The following CNTLN variants were observed in gnomAD, a reference collection of about 807,000 sequenced individuals.
CNTLN encodes centlein, also known as centlein, centrosomal protein.
In CNTLN, 212 loss-of-function variants were observed where a neutral mutation model predicts 180.0. That is an observed-to-expected ratio of 1.18 (90% CI 1.05 to 1.32). The LOEUF is 1.32. Among genes scored for constraint, CNTLN ranks in the 40% most tolerant of loss-of-function variants. The pLI, the probability that CNTLN is intolerant of heterozygous loss-of-function variation, is 0.00. For synonymous variants in CNTLN, 722 were observed against 563.1 expected, an observed-to-expected ratio of 1.28 and a Z score of -3.99; for missense variants, 2,095 against 1,610.9, an observed-to-expected ratio of 1.30 and a Z score of -5.14.
At chr9:17,273,703 T>G (rs910164537) in intron 5 of CNTLN, 30 bp from the exon 6 acceptor site, 7 of 1,224,332 alleles carry the variant, frequency 5.7e-6, no homozygotes, top group Non-Finnish European at 7.8e-6. Context: ...TTATTATGTT[T>G]GATTATTGAT....
intron 5 of CNTLN, among the ~76,000 whole-genome samples, chr9:17,258,567 G>A (rs563245764): frequency 2.7e-4 from 40 of 150,902 alleles, no homozygotes; most frequent in Non-Finnish European, 5.6e-4. Context: ...ATTACCTTGG[G>A]CAGTATGGCC....
At chr9:17,436,463 G>T (rs1829784566) in intron 18 of CNTLN, among the ~76,000 whole-genome samples, 1 of 152,146 alleles carries the variant, frequency 6.6e-6, no homozygotes, top group African/African-American at 2.4e-5. Flanking sequence ...TTTGCTAAGT[G>T]TCAGAATTTG....
At chr9:17,334,646 C>G (rs1820879812) in intron 10 of CNTLN, among the ~76,000 whole-genome samples, 1 of 151,988 alleles carries the variant, frequency 6.6e-6, no homozygotes, top group Non-Finnish European at 1.5e-5. Flanking sequence ...AGGTCATTGT[C>G]CTATGTGAAC....
chr9:17,360,891 T>C (rs1469551126), intron 12 of CNTLN, among the ~76,000 whole-genome samples: 3 of 152,176 alleles, frequency 2.0e-5, no homozygotes, highest in Non-Finnish European at 4.4e-5. Context: ...ATATTTGTTT[T>C]GCTGTTGTTG....
At chr9:17,431,652 T>A (rs2133983403) in intron 18 of CNTLN, among the ~76,000 whole-genome samples, 1 of 152,216 alleles carries the variant, frequency 6.6e-6, no homozygotes, top group East Asian at 1.9e-4. Context: ...CAGTGTTTCT[T>A]CCTAGTAGTT....
chr9:17,300,712 A>C (rs1256209098), intron 7 of CNTLN: 1 of 152,052 alleles, frequency 6.6e-6, no homozygotes, highest in Non-Finnish European at 1.5e-5. Flanking sequence ...AAAAATAAAA[A>C]ACCTAAGTTC....
chr9:17,336,706 CT>C (rs1394629104), intron 10 of CNTLN, among the ~76,000 whole-genome samples: 1 of 151,948 alleles, frequency 6.6e-6, no homozygotes, highest in South Asian at 2.1e-4. Flanking sequence ...TCTATAAAAC[CT>C]TTTTTTAAAA....
At chr9:17,332,101 A>G (rs1350284691) in intron 9 of CNTLN, among the ~76,000 whole-genome samples, 1 of 152,064 alleles carries the variant, frequency 6.6e-6, no homozygotes, top group East Asian at 1.9e-4. Context: ...TAGCCACATT[A>G]TAGTTAATGA....
At chr9:17,215,670 C>T (rs1035681163) in intron 2 of CNTLN, among the ~76,000 whole-genome samples, 3 of 152,136 alleles carry the variant, frequency 2.0e-5, no homozygotes, top group Non-Finnish European at 4.4e-5. Flanking sequence ...TGGAGGCTGG[C>T]AGGCCTCCTT....
At chr9:17,412,183 A>G (rs376289494) in intron 16 of CNTLN, among the ~76,000 whole-genome samples, 78 of 152,288 alleles carry the variant, frequency 5.1e-4, no homozygotes, top group African/African-American at 1.7e-3. Flanking sequence ...GTTGTCAACT[A>G]AGACTGGATT....
chr9:17,182,601 AG>A (rs1178455884), intron 2 of CNTLN, among the ~76,000 whole-genome samples: 28 of 152,232 alleles, frequency 1.8e-4, no homozygotes, highest in Admixed American at 1.8e-3. Flanking sequence ...TAATTGAAGT[AG>A]GTAACTTGAC....
At chr9:17,309,425 T>TACAATACA (rs1231486634) in intron 8 of CNTLN, among the ~76,000 whole-genome samples, 173 bp downstream of exon 8, 1 of 152,110 alleles carries the variant, frequency 6.6e-6, no homozygotes, top group Admixed American at 6.5e-5. Context: ...GAATATTACA[T>TACAATACA]ACAATACAAA....
rs542721660 is a variant in CNTLN, at chr9:17,232,336, A to C, written c.535-3322A>C. On this transcript the variant is annotated intron_variant, in intron 3 of 25. Transcript: ENST00000380647. ...ATAATTTTGGTTAACCAATTTTTTAAATTTTATTATGCTTTTTAATTTACA... is the reference window on the plus strand; with the variant it reads ...ATAATTTTGGTTAACCAATTTTTTACATTTTATTATGCTTTTTAATTTACA... Among the ~76,000 whole-genome samples the C allele has an allele frequency of 3.9e-5, 6 of 152,018 alleles. No individual in the cohort carries two copies. In the South Asian group the frequency reaches 1.2e-3, roughly 32 times the overall value.
At chr9:17,408,415 G>T (rs1827576490) in intron 15 of CNTLN, among the ~76,000 whole-genome samples, 2 of 151,702 alleles carry the variant, frequency 1.3e-5, no homozygotes, top group South Asian at 4.2e-4. Flanking sequence ...CTTGTTTCCT[G>T]TCCCTCTACC....
At chr9:17,290,032 C>CT (rs1191430778) in intron 6 of CNTLN, among the ~76,000 whole-genome samples, 5 of 152,168 alleles carry the variant, frequency 3.3e-5, no homozygotes, top group African/African-American at 4.8e-5. Flanking sequence ...CTCCATCCAG[C>CT]TTTTTTCCGT....
chr9:17,277,731 C>T (rs1294254610), intron 6 of CNTLN, among the ~76,000 whole-genome samples: 4 of 151,700 alleles, frequency 2.6e-5, no homozygotes, highest in Non-Finnish European at 4.4e-5. Flanking sequence ...TTTATACCAG[C>T]GAAACATATT....
At chr9:17,436,478 TA>T (rs1829785350) in intron 18 of CNTLN, among the ~76,000 whole-genome samples, 1 of 152,214 alleles carries the variant, frequency 6.6e-6, no homozygotes, top group Non-Finnish European at 1.5e-5. Context: ...AATTTGGAAT[TA>T]AAAACAGCAG....
intron 15 of CNTLN, among the ~76,000 whole-genome samples, chr9:17,403,747 C>G (rs577221925): frequency 2.6e-5 from 4 of 151,840 alleles, no homozygotes; most frequent in African/African-American, 9.7e-5. Flanking sequence ...GCCTAGTCAG[C>G]ATTTTCCCAG....
At chr9:17,353,686 G>A (rs527841876) in intron 12 of CNTLN, among the ~76,000 whole-genome samples, 4 of 150,882 alleles carry the variant, frequency 2.7e-5, no homozygotes, top group African/African-American at 9.7e-5. Flanking sequence ...TGCAACCTCT[G>A]CCTCTTGGTT....
Sources: allele counts gnomAD v4.1 joint callset (sites outside exome capture counted in the v4.1 genomes callset), GRCh38; gene constraint gnomAD v4.1.1; transcripts MANE v1.5; gene names NCBI Gene and HGNC (gene_info 2026-07-23, HGNC 2026-07-21).